ALG13: variants seen among roughly 807,000 people sequenced by gnomAD.
The protein encoded by ALG13 is UDP-N-acetylglucosamine transferase subunit ALG13.
ALG13 carries 11 observed loss-of-function variants against 87.8 expected under a neutral mutation model. That is an observed-to-expected ratio of 0.13 (90% CI 0.08 to 0.21). The LOEUF (loss-of-function observed/expected upper bound fraction) is 0.21. ALG13 is among the 10% of genes least tolerant of loss of function. ALG13 has a pLI of 1.00. For missense variants in ALG13, 756 were observed against 866.1 expected (o/e 0.87, Z 1.60); for synonymous variants, 320 against 306.3 (o/e 1.04, Z -0.47).
At chrX:111,744,157 A>G (rs1944008291) in intron 23 of ALG13, among the ~76,000 whole-genome samples, 1 of 111,692 alleles carries the variant, frequency 9.0e-6, no homozygotes. Flanking sequence ...CTCCTTAGAA[A>G]TGGAACGTTC....
At chrX:111,755,770 G>A (rs1945187504) in intron 25 of ALG13, among the ~76,000 whole-genome samples, 1 of 112,320 alleles carries the variant, frequency 8.9e-6, no homozygotes, top group Non-Finnish European at 1.9e-5. Flanking sequence ...GGAAACAACA[G>A]ATGCTGGAGA....
In ALG13 at chrX:111,690,291, G is replaced by A. The variant is rs780111545; in HGVS notation, c.383+5188G>A. On this transcript the variant is annotated intron_variant, in intron 3 of 26. Coordinates refer to ENST00000394780, the MANE Select transcript of ALG13 (RefSeq NM_001099922.3). ...TTAGCAGTGTTCTATTAGAGGTACTGAAATTTTCAGGGATAAGGAAATGAA... is the reference window on the plus strand; with the variant it reads ...TTAGCAGTGTTCTATTAGAGGTACTAAAATTTTCAGGGATAAGGAAATGAA... The A allele has an allele frequency of 1.3e-4, 95 of 751,842 alleles. No individual in the cohort carries two copies. In the African/African-American group the frequency reaches 2.1e-3, roughly 17 times the overall value. 62.0% of individuals were successfully genotyped at this position (751,842 alleles called of 1,213,427 possible).
At chrX:111,684,224 G>T (rs1295418296) in intron 2 of ALG13, among the ~76,000 whole-genome samples, 1 of 112,052 alleles carries the variant, frequency 8.9e-6, no homozygotes, top group African/African-American at 3.2e-5. Flanking sequence ...ATGTAAGTGT[G>T]TTCTGAGCAT....
chrX:111,690,330 T>C, intron 3 of ALG13: 2 of 751,210 alleles, frequency 2.7e-6, no homozygotes, highest in South Asian at 6.8e-5. Context: ...GAGTTTAGCA[T>C]TGGGAAATTT....
chrX:111,748,087 A>G (rs960896936), intron 24 of ALG13, among the ~76,000 whole-genome samples: 3 of 112,036 alleles, frequency 2.7e-5, no homozygotes, highest in Non-Finnish European at 3.8e-5. Flanking sequence ...TTTGCCATCT[A>G]TATATCTTTG....
At position 111,733,788 on chromosome X, in the gene ALG13, TC is replaced by T. The variant is rs745652549; in HGVS notation, c.2458-1260del. On this transcript the variant is annotated intron_variant, in intron 21 of 26. Transcript: ENST00000394780. Reference sequence around the variant, plus strand: ...ACTGCCACCAACAGTATAAAACCGTTCCCTTTTCACCACATCCATGCCAACA... The same window carrying T: ...ACTGCCACCAACAGTATAAAACCGTTCCTTTTCACCACATCCATGCCAACA... Among the ~76,000 whole-genome samples, 582 of 111,571 alleles carry T rather than the reference TC, an allele frequency of 5.2e-3. 4 individuals carry two copies. The highest frequency in any genetic ancestry group is 8.7e-3 in the Non-Finnish European group (461 of 53,059).
intron 3 of ALG13, among the ~76,000 whole-genome samples, chrX:111,698,096 A>G (rs1275009472): frequency 8.9e-6 from 1 of 112,263 alleles, no homozygotes; most frequent in Non-Finnish European, 1.9e-5. Context: ...ATTCCTCCGC[A>G]TCTCTGTTCC....
chrX:111,725,658 C>A (rs763784722), intron 15 of ALG13, among the ~76,000 whole-genome samples: 1 of 111,302 alleles, frequency 9.0e-6, no homozygotes, highest in South Asian at 3.8e-4. Flanking sequence ...GATAGATATC[C>A]CAGTTACCTT....
intron 3 of ALG13, among the ~76,000 whole-genome samples, chrX:111,696,698 T>C (rs1937010390): frequency 8.9e-6 from 1 of 112,016 alleles, no homozygotes; most frequent in Non-Finnish European, 1.9e-5. Flanking sequence ...GTATTCTAGC[T>C]AAATTTCAGT....
intron 25 of ALG13, among the ~76,000 whole-genome samples, chrX:111,753,550 A>C (rs1047323925): frequency 1.8e-5 from 2 of 112,152 alleles, no homozygotes; most frequent in African/African-American, 3.2e-5. Flanking sequence ...ACCATTAGCC[A>C]GGTGAATAAA....
chrX:111,737,040 G>T, intron 23 of ALG13, 161 bp downstream of exon 23: 1 of 433,433 alleles, frequency 2.3e-6, no homozygotes, highest in Non-Finnish European at 3.6e-6. Flanking sequence ...CATGAGATTT[G>T]AGAGTCAGGG....
intron 8 of ALG13, among the ~76,000 whole-genome samples, chrX:111,713,962 G>T (rs761785088): frequency 2.7e-5 from 3 of 111,678 alleles, no homozygotes; most frequent in Admixed American, 9.5e-5. Flanking sequence ...GTGAAATATA[G>T]ACTACACAAT....
Position 111,728,248 on chromosome X carries a change from C to T in ALG13, c.2311C>T (p.His771Tyr). Residue 771 changes from histidine to tyrosine, a missense_variant, in exon 19 of 27, where the codon CAT (histidine) becomes TAT (tyrosine). Physicochemically the swap from His to Tyr is moderately conservative, Grantham distance 83. This residue lies in a region of ALG13 where 362 missense variants were observed against 383.5 expected (regional missense o/e 0.94). Coordinates refer to ENST00000394780, the MANE Select transcript of ALG13 (RefSeq NM_001099922.3). ...AGGATACTGTGTTGGAAGGCGGGGACATAGCTCAGGCAAACAGACTTTGAA... is the reference window on the plus strand; with the variant it reads ...AGGATACTGTGTTGGAAGGCGGGGATATAGCTCAGGCAAACAGACTTTGAA... ...TSGYCVGRRG[H>Y]SSGKQTLNLE... is the part of the protein sequence containing the mutation. The T allele has an allele frequency of 8.3e-7, 1 of 1,211,310 alleles. No homozygotes were observed.
intron 8 of ALG13, among the ~76,000 whole-genome samples, chrX:111,715,236 C>T (rs1167573852): frequency 3.6e-5 from 4 of 111,906 alleles, no homozygotes; most frequent in Admixed American, 9.5e-5. Context: ...AGAGCTAATA[C>T]TTACCAGCAC....
intron 12 of ALG13, 98 bp from the exon 13 acceptor site, chrX:111,722,695 G>T: frequency 1.8e-6 from 1 of 566,724 alleles, no homozygotes; most frequent in Non-Finnish European, 2.9e-6. Context: ...TAGTGGTAGC[G>T]TTGTCAAAGG....
intron 24 of ALG13, among the ~76,000 whole-genome samples, chrX:111,749,108 A>G (rs1424407196): frequency 3.6e-5 from 4 of 111,386 alleles, no homozygotes; most frequent in Admixed American, 1.9e-4. Context: ...AAAAAAAACA[A>G]CAAAAAACCT....
At chrX:111,681,713 C>A in intron 1 of ALG13, 1 of 842,483 alleles carries the variant, frequency 1.2e-6, no homozygotes. Flanking sequence ...CTGAGCCAGC[C>A]GAGCTCGCCT....
intron 3 of ALG13, among the ~76,000 whole-genome samples, chrX:111,699,331 T>G (rs1386516440): frequency 9.0e-6 from 1 of 111,598 alleles, no homozygotes; most frequent in Non-Finnish European, 1.9e-5. Context: ...TCTCAATTTC[T>G]GTGAGTTGTC....
intron 3 of ALG13, among the ~76,000 whole-genome samples, chrX:111,701,250 T>C (rs1937816645): frequency 8.9e-6 from 1 of 112,230 alleles, no homozygotes; most frequent in East Asian, 2.8e-4. Context: ...ATATTCCTTC[T>C]TTTTCAGTTT....
Sources: gnomAD v4.1 joint callset for allele counts (sites outside exome capture counted in the v4.1 genomes callset) on GRCh38, gnomAD v4.1.1 for gene constraint, gnomAD v4.1.1 regional missense constraint, MANE v1.5 for transcripts, NCBI Gene and HGNC (gene_info 2026-07-23, HGNC 2026-07-21) for gene names.